The following CERT1 variants were observed in gnomAD, a reference collection of about 807,000 sequenced individuals.
The protein encoded by CERT1 is ceramide transporter 1, also known as ceramide transfer protein.
In CERT1, 31 loss-of-function variants were observed where a neutral mutation model predicts 87.9. The observed-to-expected ratio is 0.35, with a 90% CI of 0.27 to 0.48. The LOEUF (loss-of-function observed/expected upper bound fraction) is 0.48, where lower values mean the gene tolerates loss of function less well. CERT1 is among the 20% of genes least tolerant of loss of function. The pLI, the probability that CERT1 is intolerant of heterozygous loss-of-function variation, is 0.99. For missense variants in CERT1, 487 were observed against 758.0 expected, an observed-to-expected ratio of 0.64 and a Z score of 4.20; for synonymous variants, 289 against 250.9, an observed-to-expected ratio of 1.15 and a Z score of -1.44.
At chr5:75,386,126 A>T in intron 12 of CERT1, 92 bp from the exon 13 acceptor site, 1 of 1,005,358 alleles carries the variant, frequency 9.9e-7, no homozygotes, top group Non-Finnish European at 1.3e-6. Flanking sequence ...TGCTCTTTAG[A>T]TTTTTATGAA....
intron 12 of CERT1, among the ~76,000 whole-genome samples, chr5:75,388,587 A>G (rs1055626642): frequency 3.2e-5 from 4 of 123,332 alleles, no homozygotes; most frequent in African/African-American, 1.1e-4. Flanking sequence ...GGAGCCAAGT[A>G]TAGCATGCAT....
At chr5:75,470,102 T>G (rs1016745744) in intron 2 of CERT1, among the ~76,000 whole-genome samples, 1 of 152,084 alleles carries the variant, frequency 6.6e-6, no homozygotes, top group Non-Finnish European at 1.5e-5. Context: ...CACACAATAA[T>G]AGTAGGGAAA....
intron 7 of CERT1, among the ~76,000 whole-genome samples, chr5:75,415,056 A>T (rs563019839): frequency 1.1e-4 from 16 of 151,722 alleles, no homozygotes; most frequent in Non-Finnish European, 1.9e-4. Context: ...ACACACACAC[A>T]CTCTACATAC....
At chr5:75,499,048 C>CT (rs1427313934) in intron 2 of CERT1, among the ~76,000 whole-genome samples, 4 of 152,328 alleles carry the variant, frequency 2.6e-5, no homozygotes, top group African/African-American at 9.6e-5. Context: ...CATTTTGGAC[C>CT]TTTAAGATTT....
At position 75,459,137 on chromosome 5, in the gene CERT1, A is replaced by G. The variant is rs1225264238; in HGVS notation, c.276T>C (p.Asp92=). The G allele has an allele frequency of 6.2e-7, 1 of 1,612,850 alleles. No homozygotes were observed. The change falls in exon 3 of 17, where the codon GAT becomes GAC. Residue 92 remains aspartate (D), a synonymous_variant. Transcript: ENST00000643780. ...DECRFDISVN[D]SVWYLRAQDP... ...CCTGAGCACGAAGATACCAAACACTATCATTTACACTAATATCAAATCGAC... is the reference window on the plus strand; with the variant it reads ...CCTGAGCACGAAGATACCAAACACTGTCATTTACACTAATATCAAATCGAC...
chr5:75,404,088 A>C (rs993377192), intron 8 of CERT1, among the ~76,000 whole-genome samples: 1 of 152,134 alleles, frequency 6.6e-6, no homozygotes, highest in African/African-American at 2.4e-5. Context: ...AAATCTTCCC[A>C]GTTAAACTCA....
intron 2 of CERT1, among the ~76,000 whole-genome samples, chr5:75,478,165 T>C (rs1405398643): frequency 6.6e-6 from 1 of 151,694 alleles, no homozygotes; most frequent in East Asian, 1.9e-4. Context: ...ACAGAAAAAT[T>C]AGCCAGGTGT....
chr5:75,414,230 C>G (rs1007383325), intron 7 of CERT1, among the ~76,000 whole-genome samples: 2 of 152,176 alleles, frequency 1.3e-5, no homozygotes, highest in African/African-American at 4.8e-5. Context: ...ACCATATGAT[C>G]ACCTCTTGGG....
intron 2 of CERT1, among the ~76,000 whole-genome samples, chr5:75,477,407 G>C (rs1766004453): frequency 6.6e-6 from 1 of 151,574 alleles, no homozygotes; most frequent in African/African-American, 2.4e-5. Flanking sequence ...AAATTGGTTA[G>C]GTTTTCTACT....
rs147773458 is a variant in CERT1 at position 75,484,289 on chromosome 5, G to T, written c.231+21693C>A. Among the ~76,000 whole-genome samples, 311 of 148,046 alleles carry T rather than the reference G, an allele frequency of 2.1e-3. 1 individual carries two copies. The East Asian group carries it at 0.028, about 13-fold the overall frequency. ...AAACATACCACCAGAGAGAATCACC[G>T]GCACACGAACATAAAAAGAAAAAAA... On this transcript the variant is annotated intron_variant, in intron 2 of 16. Coordinates refer to ENST00000643780, the MANE Select transcript of CERT1 (RefSeq NM_001379029.1).
chr5:75,368,589 T>C (rs1397745578), exon 18 of CERT1: 1 of 152,180 alleles, frequency 6.6e-6, no homozygotes, highest in East Asian at 1.9e-4. Context: ...GGGTTGAAAA[T>C]CTGGGATAAA....
intron 2 of CERT1, among the ~76,000 whole-genome samples, chr5:75,471,491 T>G (rs1218140068): frequency 6.6e-6 from 1 of 152,162 alleles, no homozygotes; most frequent in Non-Finnish European, 1.5e-5. Flanking sequence ...GCAGACGTGG[T>G]GGCTCATGCC....
chr5:75,473,729 G>A (rs141370873), intron 2 of CERT1, among the ~76,000 whole-genome samples: 124 of 152,254 alleles, frequency 8.1e-4, no homozygotes, highest in African/African-American at 2.9e-3. Flanking sequence ...TGGATGCTCA[G>A]TATTCTCACT....
chr5:75,502,783 A>T (rs1767440081), intron 2 of CERT1, among the ~76,000 whole-genome samples: 1 of 152,150 alleles, frequency 6.6e-6, no homozygotes, highest in Admixed American at 6.5e-5. Flanking sequence ...TATAAAAAGT[A>T]AACAGTGTAA....
upstream of CERT1, chr5:75,511,857 G>T (rs1305100650): frequency 1.3e-5 from 20 of 1,536,340 alleles, no homozygotes; most frequent in African/African-American, 2.8e-5. Flanking sequence ...TGGGAAGGGC[G>T]TTGGTCCGTC....
At chr5:75,456,663 CAAAA>C (rs34320476) in intron 3 of CERT1, among the ~76,000 whole-genome samples, 5 of 69,432 alleles carry the variant, frequency 7.2e-5, no homozygotes, top group Admixed American at 1.8e-4. Flanking sequence ...GACCTCATCT[CAAAA>C]AAAAAAAAAA....
chr5:75,439,373 T>TA (rs200769831), intron 3 of CERT1, among the ~76,000 whole-genome samples: 25 of 149,144 alleles, frequency 1.7e-4, no homozygotes, highest in African/African-American at 3.2e-4. Context: ...AGGTTGGCTT[T>TA]AAAAAAAAAA....
intron 1 of CERT1, among the ~76,000 whole-genome samples, chr5:75,508,406 G>A (rs1767758225): frequency 6.6e-6 from 1 of 152,284 alleles, no homozygotes; most frequent in Non-Finnish European, 1.5e-5. Flanking sequence ...CTCTTTCAAT[G>A]TTAGAGGAGA....
chr5:75,500,015 G>A (rs1265631605), intron 2 of CERT1, among the ~76,000 whole-genome samples: 2 of 152,122 alleles, frequency 1.3e-5, no homozygotes, highest in African/African-American at 2.4e-5. Flanking sequence ...CAGTATGACT[G>A]GTGTCCTGAT....
Sources: gnomAD v4.1 joint callset for allele counts (sites outside exome capture counted in the v4.1 genomes callset) on GRCh38, gnomAD v4.1.1 for gene constraint, MANE v1.5 for transcripts, NCBI Gene and HGNC (gene_info 2026-07-23, HGNC 2026-07-21) for gene names.